The following SEC14L1 variants were observed in gnomAD, a reference collection of about 807,000 sequenced individuals.
SEC14L1 encodes the protein SEC14 like lipid binding 1.
Under a neutral mutation model 85.3 loss-of-function variants are expected in SEC14L1, and 48 were observed. The observed-to-expected ratio is 0.56, with a 90% CI of 0.45 to 0.72. The LOEUF (loss-of-function observed/expected upper bound fraction) is 0.72, where lower values mean the gene tolerates loss of function less well. Ranked by LOEUF, SEC14L1 falls within the 30% of genes least tolerant of loss-of-function variation. The pLI is 0.00. For missense variants in SEC14L1, 682 were observed against 921.4 expected (o/e 0.74, Z 3.36); for synonymous variants, 391 against 355.5 (o/e 1.10, Z -1.12).
At chr17:77,177,196 C>G (rs1277392379) in intron 3 of SEC14L1, among the ~76,000 whole-genome samples, 1 of 150,878 alleles carries the variant, frequency 6.6e-6, no homozygotes, top group Non-Finnish European at 1.5e-5. Context: ...ACAAATGTAC[C>G]CAGATGAGCT....
At chr17:77,100,121 G>A (rs577297363) in intron 3 of SEC14L1, among the ~76,000 whole-genome samples, 22 of 152,348 alleles carry the variant, frequency 1.4e-4, no homozygotes, top group South Asian at 1.0e-3. Context: ...AGGAGCGGGC[G>A]TGCTGCGCTG....
chr17:77,198,181 A>G (rs930622892), intron 8 of SEC14L1, among the ~76,000 whole-genome samples: 1 of 152,270 alleles, frequency 6.6e-6, no homozygotes, highest in African/African-American at 2.4e-5. Flanking sequence ...CCAAAAATAT[A>G]AAGTAGATAT....
chr17:77,179,632 T>C (rs1974921083), intron 3 of SEC14L1, among the ~76,000 whole-genome samples: 3 of 152,204 alleles, frequency 2.0e-5, no homozygotes, highest in Non-Finnish European at 1.5e-5. Flanking sequence ...AAGCTTTATA[T>C]GTGTTTGATC....
At chr17:77,138,557 T>C (rs1389615255), upstream of SEC14L1, among the ~76,000 whole-genome samples, 2 of 151,820 alleles carry the variant, frequency 1.3e-5, no homozygotes, top group African/African-American at 2.4e-5. Context: ...GAGGTGGAGG[T>C]TGCAGTGAGC....
intron 3 of SEC14L1, among the ~76,000 whole-genome samples, chr17:77,109,275 C>T (rs1971995283): frequency 6.6e-6 from 1 of 151,612 alleles, no homozygotes; most frequent in Non-Finnish European, 1.5e-5. Context: ...AGTTACATCT[C>T]TTTTTTCTTA....
chr17:77,151,855 C>T (rs1973574237), intron 3 of SEC14L1, among the ~76,000 whole-genome samples: 1 of 152,296 alleles, frequency 6.6e-6, no homozygotes, highest in East Asian at 1.9e-4. Context: ...AAAACAAACT[C>T]TTGCCAATAT....
chr17:77,153,452 A>G (rs879622675), intron 3 of SEC14L1, among the ~76,000 whole-genome samples: 2 of 152,198 alleles, frequency 1.3e-5, no homozygotes, highest in Non-Finnish European at 2.9e-5. Flanking sequence ...GGATTGTTCT[A>G]TATAATTTTG....
intron 3 of SEC14L1, among the ~76,000 whole-genome samples, chr17:77,154,298 C>T (rs1973703837): frequency 6.6e-6 from 1 of 152,040 alleles, no homozygotes; most frequent in Admixed American, 6.6e-5. Flanking sequence ...TAGCGAGACT[C>T]TGTCTCTATG....
intron 13 of SEC14L1, among the ~76,000 whole-genome samples, chr17:77,207,117 TTGA>T (rs1976500671): frequency 6.6e-6 from 1 of 152,266 alleles, no homozygotes; most frequent in African/African-American, 2.4e-5. Flanking sequence ...GCAGCTTGCT[TTGA>T]TTCACACGGC....
At chr17:77,112,746 C>T (rs1046433940) in intron 3 of SEC14L1, among the ~76,000 whole-genome samples, 2 of 151,570 alleles carry the variant, frequency 1.3e-5, no homozygotes, top group South Asian at 2.1e-4. Context: ...ATATGGTGGG[C>T]ACCTGTAGTC....
At chr17:77,200,313 C>T (rs1976064585) in intron 8 of SEC14L1, among the ~76,000 whole-genome samples, 171 bp from the exon 9 acceptor site, 1 of 152,042 alleles carries the variant, frequency 6.6e-6, no homozygotes, top group African/African-American at 2.4e-5. Flanking sequence ...GGATTACAGG[C>T]ATGCACCACC....
In SEC14L1 at chr17:77,194,853, G is replaced by A. The variant is rs1975723392; in HGVS notation, c.651G>A (p.Leu217=). The A allele has an allele frequency of 1.9e-6, 3 of 1,614,232 alleles. No homozygotes were observed. The highest frequency in any genetic ancestry group is 2.5e-6 in the Non-Finnish European group (3 of 1,180,042). Residue 217 remains leucine (L), a synonymous_variant, in exon 7 of 17, where the codon CTG becomes CTA. Coordinates refer to ENST00000436233, the MANE Select transcript of SEC14L1 (RefSeq NM_001143998.2). ...CAGAAGCTGCCCTCAAGGAGGGGCT[G>A]AGTGGTGATGCCCTCAGCAGCCCCA... is the stretch of plus-strand genomic sequence containing the variant. The part of the protein sequence containing the change: ...VIPEAALKEG[L]SGDALSSPSA...
chr17:77,164,556 G>A (rs1287093174), intron 3 of SEC14L1, among the ~76,000 whole-genome samples: 1 of 152,112 alleles, frequency 6.6e-6, no homozygotes, highest in Non-Finnish European at 1.5e-5. Flanking sequence ...GTCCAGCTGG[G>A]ATTCAAATCA....
intron 3 of SEC14L1, among the ~76,000 whole-genome samples, chr17:77,104,867 C>T (rs577596826): frequency 6.6e-6 from 1 of 151,656 alleles, no homozygotes; most frequent in East Asian, 1.9e-4. Context: ...GTGACACAGC[C>T]TCAAGAGGTC....
intron 3 of SEC14L1, among the ~76,000 whole-genome samples, chr17:77,171,115 A>AG (rs996500913): frequency 5.0e-4 from 75 of 151,338 alleles, no homozygotes; most frequent in African/African-American, 1.6e-3. Flanking sequence ...TTGATTTATT[A>AG]GTTTTTTTTG....
At chr17:77,101,646 G>C (rs1971779875) in intron 3 of SEC14L1, among the ~76,000 whole-genome samples, 1 of 152,222 alleles carries the variant, frequency 6.6e-6, no homozygotes, top group African/African-American at 2.4e-5. Flanking sequence ...TCAAAATGCA[G>C]CTTCTGGTGG....
At chr17:77,194,081 T>C (rs1190799603) in intron 6 of SEC14L1, among the ~76,000 whole-genome samples, 1 of 152,228 alleles carries the variant, frequency 6.6e-6, no homozygotes. Context: ...AGAAATCATA[T>C]ATTGAGTACA....
chr17:77,092,904 C>T (rs1379749640), intron 2 of SEC14L1, among the ~76,000 whole-genome samples: 2 of 145,272 alleles, frequency 1.4e-5, no homozygotes, highest in African/African-American at 2.6e-5. Context: ...GCCGAGATCA[C>T]GCCATTGCAC....
intron 3 of SEC14L1, among the ~76,000 whole-genome samples, chr17:77,101,704 C>T (rs1971781553): frequency 6.6e-6 from 1 of 152,178 alleles, no homozygotes. Flanking sequence ...CTCACAAGCT[C>T]CCAGGCCATG....
Sources: gnomAD v4.1 joint callset for allele counts (sites outside exome capture counted in the v4.1 genomes callset) on GRCh38, gnomAD v4.1.1 for gene constraint, MANE v1.5 for transcripts, NCBI Gene and HGNC (gene_info 2026-07-23, HGNC 2026-07-21) for gene names.